KAT2B: variants seen among roughly 807,000 people sequenced by gnomAD.
The protein encoded by KAT2B is histone acetyltransferase KAT2B.
In KAT2B, 36 loss-of-function variants were observed where a neutral mutation model predicts 105.9. The ratio of observed to expected loss-of-function variants is 0.34; its 90% CI spans 0.26 to 0.45. KAT2B has a LOEUF of 0.45. KAT2B is among the 20% of genes least tolerant of loss of function. The probability of loss-of-function intolerance (pLI) is 1.00; values close to 1 mark genes in which losing one functional copy is unlikely to be tolerated. For synonymous variants in KAT2B, 397 were observed against 377.9 expected, an observed-to-expected ratio of 1.05 and a Z score of -0.59; for missense variants, 820 against 1,021.6, an observed-to-expected ratio of 0.80 and a Z score of 2.69.
At chr3:20,105,921 C>G (rs1300598308) in intron 5 of KAT2B, among the ~76,000 whole-genome samples, 2 of 152,004 alleles carry the variant, frequency 1.3e-5, no homozygotes, top group Admixed American at 6.6e-5. Flanking sequence ...CAGCCTATTG[C>G]CATGTATACT....
chr3:20,086,643 C>T (rs564382526), intron 2 of KAT2B, among the ~76,000 whole-genome samples: 5 of 152,238 alleles, frequency 3.3e-5, no homozygotes, highest in African/African-American at 1.2e-4. Flanking sequence ...GGGGTGCACA[C>T]CCATGCATAT....
intron 15 of KAT2B, 34 bp downstream of exon 15, chr3:20,148,033 G>T (rs201915994): frequency 1.4e-5 from 23 of 1,601,342 alleles, no homozygotes; most frequent in Non-Finnish European, 1.9e-5. Flanking sequence ...GTTAATGGAA[G>T]TGATTTTTTT....
intron 2 of KAT2B, among the ~76,000 whole-genome samples, chr3:20,093,546 G>C (rs2125194450): frequency 6.6e-6 from 1 of 152,232 alleles, no homozygotes; most frequent in South Asian, 2.1e-4. Context: ...TCTATCCCAG[G>C]CTTCTGACTG....
intron 12 of KAT2B, 101 bp from the exon 13 acceptor site, chr3:20,140,120 G>C (rs1457990848): frequency 7.8e-6 from 6 of 764,876 alleles, no homozygotes; most frequent in Non-Finnish European, 1.3e-5. Context: ...GAACTTCAAA[G>C]AAGCTTGTCT....
intron 1 of KAT2B, among the ~76,000 whole-genome samples, chr3:20,047,316 C>T (rs533380706): frequency 7.9e-5 from 12 of 152,150 alleles, no homozygotes; most frequent in Non-Finnish European, 7.3e-5. Context: ...AAGCAATTGG[C>T]CTGCCTTGGC....
Position 20,154,301 on chromosome 3 carries a change from G to A in KAT2B, c.*1776G>A, listed in dbSNP as rs1348293979. The A allele has an allele frequency of 1.3e-5, 2 of 152,512 alleles. No individual in the cohort carries two copies. Among genetic ancestry groups the A allele is most frequent in the African/African-American group, 4.8e-5 (2 of 41,410 alleles). The allele number at this position is 152,512 out of a possible 1,614,324, so 9.4% of individuals were successfully genotyped here. A position where few individuals can be genotyped will look rare whatever the true frequency, so the allele number is the denominator to read the frequency against. On this transcript the variant is annotated 3_prime_UTR_variant, in exon 18 of 18. Transcript: ENST00000263754. ...CAATAAAGCTGAAGTAGAATGTGTG[G>A]TTTTTGCAAATGCTTTAACAGCTGA...
At chr3:20,046,315 C>T (rs1393781192) in intron 1 of KAT2B, among the ~76,000 whole-genome samples, 2 of 152,168 alleles carry the variant, frequency 1.3e-5, no homozygotes, top group Non-Finnish European at 2.9e-5. Flanking sequence ...GGCATGGTGG[C>T]TTGTGCCTGT....
chr3:20,095,645 T>C (rs1252254010), intron 3 of KAT2B, among the ~76,000 whole-genome samples: 2 of 152,218 alleles, frequency 1.3e-5, no homozygotes, highest in Non-Finnish European at 2.9e-5. Context: ...GGTTTGCATA[T>C]GCAAATAGAT....
chr3:20,104,206 A>G (rs1359305504), intron 5 of KAT2B, among the ~76,000 whole-genome samples: 1 of 152,214 alleles, frequency 6.6e-6, no homozygotes, highest in East Asian at 1.9e-4. Flanking sequence ...TGAAGGCAAA[A>G]AGTGGAGTCA....
At chr3:20,094,275 G>A (rs977236187) in intron 2 of KAT2B, among the ~76,000 whole-genome samples, 1 of 152,058 alleles carries the variant, frequency 6.6e-6, no homozygotes, top group African/African-American at 2.4e-5. Flanking sequence ...GCGAGCGAGC[G>A]AGGAGGGACC....
In KAT2B at chr3:20,040,732, T is replaced by C. The variant is rs1697698967; in HGVS notation, c.255T>C (p.Ala85=). The part of the protein sequence containing the change: ...IAVKKAQLRS[A]PRAKKLEKLG... The stretch of plus-strand genomic sequence containing the variant: ...TGAAGAAAGCGCAACTACGCTCCGC[T>C]CCGCGGGCCAAGAAACTGGAGAAAC... Residue 85 remains alanine, a synonymous_variant, in exon 1 of 18, where the codon GCT becomes GCC. Coordinates refer to ENST00000263754, the MANE Select transcript of KAT2B (RefSeq NM_003884.5). 6.3e-7 allele frequency: 1 copy of C among 1,596,356 alleles called. No homozygotes were observed. The highest frequency in any genetic ancestry group is 1.1e-5 in the South Asian group (1 of 90,748).
Position 20,152,649 on chromosome 3 carries a change from T to C in KAT2B, c.*124T>C. The C allele has an allele frequency of 2.8e-6, 2 of 703,994 alleles. No homozygotes were observed. The highest frequency in any genetic ancestry group is 4.4e-6 in the Non-Finnish European group (2 of 450,422). The allele number at this position is 703,994 out of a possible 1,614,324, so 43.6% of individuals were successfully genotyped here. A position where few individuals can be genotyped will look rare whatever the true frequency, so the allele number is the denominator to read the frequency against. ...GACTTGTAAATGTAATAATTAGCAC[T>C]TTTGAAAAAACAAAAAACCTCCTTT... On this transcript the variant is annotated 3_prime_UTR_variant, in exon 18 of 18. Coordinates refer to ENST00000263754, the MANE Select transcript of KAT2B (RefSeq NM_003884.5).
intron 6 of KAT2B, among the ~76,000 whole-genome samples, chr3:20,113,985 T>G (rs1317093871): frequency 6.6e-6 from 1 of 152,212 alleles, no homozygotes; most frequent in Non-Finnish European, 1.5e-5. Context: ...GAACTATTTT[T>G]AGTGCTTTTA....
chr3:20,110,091 G>A (rs755972428), intron 5 of KAT2B, among the ~76,000 whole-genome samples: 2 of 152,086 alleles, frequency 1.3e-5, no homozygotes, highest in Non-Finnish European at 2.9e-5. Flanking sequence ...TTCATTAAAG[G>A]GCTCAAAGTT....
chr3:20,080,594 C>T (rs1387200639), intron 2 of KAT2B, among the ~76,000 whole-genome samples: 1 of 152,142 alleles, frequency 6.6e-6, no homozygotes, highest in African/African-American at 2.4e-5. Context: ...GGTAAATAGT[C>T]ATTGAATTCA....
At chr3:20,128,014 G>A in intron 11 of KAT2B, among the ~76,000 whole-genome samples, 1 of 152,186 alleles carries the variant, frequency 6.6e-6, no homozygotes, top group Admixed American at 6.5e-5. Context: ...AATGGTCTAG[G>A]GGTTGGGGAC....
intron 4 of KAT2B, among the ~76,000 whole-genome samples, chr3:20,100,464 A>G (rs559372360): frequency 1.3e-5 from 2 of 152,318 alleles, no homozygotes; most frequent in East Asian, 3.9e-4. Flanking sequence ...ATCTGTTAAA[A>G]TGTAAAGAGT....
rs1334059631 is a variant in KAT2B, at chr3:20,096,044, C to T, written c.576+636C>T. On this transcript the variant is annotated intron_variant, in intron 3 of 17. Transcript: ENST00000263754. ...AGGAACGGGTATTTTAGGCCGTGCACTAAGAGAGCTTGAAGTGATGTCTGT... is the reference window on the plus strand; with the variant it reads ...AGGAACGGGTATTTTAGGCCGTGCATTAAGAGAGCTTGAAGTGATGTCTGT... Among the ~76,000 whole-genome samples, 3 of 152,102 alleles carry T rather than the reference C, an allele frequency of 2.0e-5. No homozygotes were observed. In the East Asian group the frequency reaches 5.8e-4, roughly 29 times the overall value.
At chr3:20,077,274 T>G (rs1559303596) in intron 2 of KAT2B, among the ~76,000 whole-genome samples, 1 of 152,060 alleles carries the variant, frequency 6.6e-6, no homozygotes, top group Non-Finnish European at 1.5e-5. Flanking sequence ...CCCAGGAGTT[T>G]GAGGCCAAAG....
Sources: gnomAD v4.1 joint callset for allele counts (sites outside exome capture counted in the v4.1 genomes callset) on GRCh38, gnomAD v4.1.1 for gene constraint, MANE v1.5 for transcripts, NCBI Gene and HGNC (gene_info 2026-07-23, HGNC 2026-07-21) for gene names.